PTPRD: variants seen among roughly 807,000 people sequenced by gnomAD.
PTPRD encodes the protein protein tyrosine phosphatase receptor type D.
A neutral mutation model predicts 214.5 loss-of-function variants in PTPRD; 34 were observed. The ratio of observed to expected loss-of-function variants is 0.16; its 90% CI spans 0.12 to 0.21. The LOEUF (loss-of-function observed/expected upper bound fraction) is 0.21, where lower values mean the gene tolerates loss of function less well. Among genes scored for constraint, PTPRD ranks in the 10% least tolerant of loss-of-function variants. PTPRD has a pLI of 1.00. For missense variants in PTPRD, 2,545 were observed against 2,398.7 expected (o/e 1.06, Z -1.27); for synonymous variants, 1,128 against 845.7 (o/e 1.33, Z -5.79).
intron 14 of PTPRD, among the ~76,000 whole-genome samples, chr9:8,561,232 A>G (rs1242352453): frequency 6.6e-6 from 1 of 151,944 alleles, no homozygotes. Flanking sequence ...ATCTTTTTTG[A>G]ATATTCACAT....
chr9:8,517,385 T>G (rs1390728795), intron 21 of PTPRD, among the ~76,000 whole-genome samples: 1 of 152,200 alleles, frequency 6.6e-6, no homozygotes, highest in East Asian at 1.9e-4. Flanking sequence ...AGAGAATACT[T>G]ATTTTCAAGC....
intron 14 of PTPRD, among the ~76,000 whole-genome samples, chr9:8,541,030 A>G (rs2078269395): frequency 6.6e-6 from 1 of 152,188 alleles, no homozygotes; most frequent in Non-Finnish European, 1.5e-5. Flanking sequence ...TTAAAACATC[A>G]AACATCACAT....
chr9:9,523,243 T>G (rs555731000), intron 8 of PTPRD, among the ~76,000 whole-genome samples: 1 of 152,308 alleles, frequency 6.6e-6, no homozygotes, highest in South Asian at 2.1e-4. Flanking sequence ...AAGATTATAT[T>G]TAATTACTGG....
chr9:9,229,934 A>G (rs1023804631), intron 9 of PTPRD, among the ~76,000 whole-genome samples: 6 of 152,174 alleles, frequency 3.9e-5, no homozygotes, highest in Non-Finnish European at 8.8e-5. Flanking sequence ...GAGTGACTAG[A>G]TAATACTAGA....
intron 11 of PTPRD, among the ~76,000 whole-genome samples, chr9:8,818,534 G>T (rs1008115526): frequency 6.6e-6 from 1 of 152,106 alleles, no homozygotes; most frequent in Admixed American, 6.6e-5. Context: ...TTAAGGTGAG[G>T]TTATTCTCAT....
intron 10 of PTPRD, among the ~76,000 whole-genome samples, chr9:9,029,030 T>C (rs1543670): frequency 0.41 from 61,561 of 151,622 alleles, 14,126 homozygotes; most frequent in East Asian, 0.69. Context: ...TAGTAAGAAT[T>C]GAGATGTACA....
chr9:8,658,951 T>G (rs1169519187), intron 12 of PTPRD, among the ~76,000 whole-genome samples: 1 of 152,184 alleles, frequency 6.6e-6, no homozygotes, highest in African/African-American at 2.4e-5. Flanking sequence ...TAGTGCCAAT[T>G]TTTACATAGC....
chr9:8,759,799 G>C (rs2094291658), intron 11 of PTPRD, among the ~76,000 whole-genome samples: 1 of 152,036 alleles, frequency 6.6e-6, no homozygotes, highest in Admixed American at 6.6e-5. Flanking sequence ...AAATCCTATT[G>C]AGAAAAGTGG....
At chr9:9,930,051 A>C (rs972189701) in intron 5 of PTPRD, among the ~76,000 whole-genome samples, 3 of 152,244 alleles carry the variant, frequency 2.0e-5, no homozygotes, top group African/African-American at 7.2e-5. Flanking sequence ...ACACCAGAGC[A>C]TAAGAAGTAC....
intron 39 of PTPRD, among the ~76,000 whole-genome samples, chr9:8,368,143 T>C (rs909300321): frequency 2.0e-5 from 3 of 152,172 alleles, no homozygotes; most frequent in Admixed American, 6.6e-5. Flanking sequence ...GGATACACAT[T>C]GAGCAAAATG....
chr9:8,666,637 G>C (rs1229721835), intron 12 of PTPRD, among the ~76,000 whole-genome samples: 5 of 152,122 alleles, frequency 3.3e-5, no homozygotes, highest in African/African-American at 1.2e-4. Flanking sequence ...CACTCCTCTA[G>C]CCAATAGATC....
chr9:9,775,947 T>A (rs1299257532), intron 5 of PTPRD, among the ~76,000 whole-genome samples: 2 of 98,406 alleles, frequency 2.0e-5, no homozygotes, highest in Admixed American at 1.3e-4. Flanking sequence ...AGAGCAAGAC[T>A]CTGTCTCAAA....
At chr9:8,563,687 G>C in intron 14 of PTPRD, among the ~76,000 whole-genome samples, 1 of 150,768 alleles carries the variant, frequency 6.6e-6, no homozygotes, top group East Asian at 2.0e-4. Flanking sequence ...CACCCGCCTT[G>C]GCCTCCCTCT....
chr9:9,384,440 G>A (rs1462740493), intron 9 of PTPRD, among the ~76,000 whole-genome samples: 1 of 116,876 alleles, frequency 8.6e-6, no homozygotes, highest in African/African-American at 3.3e-5. Context: ...CATCATTTTT[G>A]TATGAATCTA....
At position 10,057,717 on chromosome 9, in the gene PTPRD, T is replaced by A. The variant is rs557059225; in HGVS notation, c.-544-23927A>T. Among the ~76,000 whole-genome samples the A allele has an allele frequency of 1.1e-4, 17 of 151,822 alleles. No individual in the cohort carries two copies. The South Asian group carries it at 3.1e-3, about 28-fold the overall frequency. On this transcript the variant is annotated intron_variant, in intron 3 of 45. Transcript: ENST00000381196. ...AAATTAGCTGGGCGTGGTGCACGTG[T>A]CTGTAGTCCCAGCTACTTGGGAATC...
intron 3 of PTPRD, among the ~76,000 whole-genome samples, chr9:10,267,139 C>T (rs1266717400): frequency 6.8e-6 from 1 of 147,140 alleles, no homozygotes; most frequent in Non-Finnish European, 1.5e-5. Flanking sequence ...TGCAGTGAGC[C>T]GACATCACAC....
chr9:8,434,392 T>TA lies in PTPRD; in HGVS notation c.4086+2199dup, dbSNP rs2095254984. On this transcript the variant is annotated intron_variant, in intron 35 of 45. Transcript: ENST00000381196. ...ATTGTAGCCTAGAAGCAATGGGCTA[T>TA]ACCATATAGCTTAAGTGTATAATAG... is the stretch of plus-strand genomic sequence containing the variant. Among the ~76,000 whole-genome samples, 4 of 152,362 alleles carry TA rather than the reference T, an allele frequency of 2.6e-5. No individual in the cohort carries two copies. The South Asian group carries it at 8.3e-4, about 32-fold the overall frequency.
intron 35 of PTPRD, among the ~76,000 whole-genome samples, chr9:8,427,262 T>G (rs916306889): frequency 2.0e-5 from 3 of 152,178 alleles, no homozygotes; most frequent in Non-Finnish European, 4.4e-5. Flanking sequence ...GCCTATTTTC[T>G]GAGAGAAAAG....
chr9:10,081,472 G>A (rs1030816600), intron 3 of PTPRD, among the ~76,000 whole-genome samples: 5 of 151,980 alleles, frequency 3.3e-5, no homozygotes, highest in African/African-American at 9.7e-5. Flanking sequence ...TGGAGCCCAC[G>A]TAACTGGAAT....
Sources: gnomAD v4.1 joint callset for allele counts (sites outside exome capture counted in the v4.1 genomes callset) on GRCh38, gnomAD v4.1.1 for gene constraint, MANE v1.5 for transcripts, NCBI Gene and HGNC (gene_info 2026-07-23, HGNC 2026-07-21) for gene names.